The following CDC42SE1 variants were observed in gnomAD, a reference collection of about 807,000 sequenced individuals.
The protein encoded by CDC42SE1 is CDC42 small effector 1, also known as CDC42 small effector protein 1.
Under a neutral mutation model 10.9 loss-of-function variants are expected in CDC42SE1, and 10 were observed. The ratio of observed to expected loss-of-function variants is 0.92; its 90% CI spans 0.57 to 1.56. The LOEUF (loss-of-function observed/expected upper bound fraction) is 1.56, where lower values mean the gene tolerates loss of function less well. Ranked by LOEUF, CDC42SE1 falls within the 40% of genes most tolerant of loss-of-function variation. The pLI is 0.00. For missense variants in CDC42SE1, 81 were observed against 100.8 expected, an observed-to-expected ratio of 0.80 and a Z score of 0.84; for synonymous variants, 24 against 32.0, an observed-to-expected ratio of 0.75 and a Z score of 0.85.
At chr1:151,053,488 C>CT (rs958614767) in intron 4 of CDC42SE1, among the ~76,000 whole-genome samples, 161 bp from the exon 5 acceptor site, 91 of 148,074 alleles carry the variant, frequency 6.1e-4, no homozygotes, top group South Asian at 1.5e-3. Context: ...ATCCTACATT[C>CT]TTTTTTTTTT....
At chr1:151,055,189 GAA>G in intron 2 of CDC42SE1, 63 bp from the exon 3 acceptor site, 1 of 1,238,896 alleles carries the variant, frequency 8.1e-7, no homozygotes, top group Non-Finnish European at 1.2e-6. Context: ...CGGAGGAAGG[GAA>G]AAGAGTCTTC....
At chr1:151,058,484 A>G (rs1676329172) in intron 1 of CDC42SE1, 2 of 152,342 alleles carry the variant, frequency 1.3e-5, no homozygotes, top group African/African-American at 4.8e-5. Context: ...TGAGCTGGTC[A>G]GCCCAGGCGG....
At chr1:151,058,498 A>G (rs1676329885) in intron 1 of CDC42SE1, 1 of 152,334 alleles carries the variant, frequency 6.6e-6, no homozygotes, top group African/African-American at 2.4e-5. Context: ...CAGGCGGAAG[A>G]GCCACCCGAA....
chr1:151,055,776 G>A lies in CDC42SE1; in HGVS notation c.-46C>T. On this transcript the variant is annotated 5_prime_UTR_variant, in exon 2 of 5. Transcript: ENST00000357235. Reference sequence around the variant, plus strand: ...TCACTCCGCTGTCTGAGGCCCCAAAGGGCTCTTTCCCTGGTGTTTGGACAA... The same window carrying A: ...TCACTCCGCTGTCTGAGGCCCCAAAAGGCTCTTTCCCTGGTGTTTGGACAA... The A allele has an allele frequency of 6.5e-7, 1 of 1,527,464 alleles. No individual in the cohort carries two copies. The highest frequency in any genetic ancestry group is 9.0e-7 in the Non-Finnish European group (1 of 1,106,048). The allele number at this position is 1,527,464 out of a possible 1,614,324, so 94.6% of individuals were successfully genotyped here.
At chr1:151,056,694 T>C (rs1676284334) in intron 1 of CDC42SE1, 1 of 152,454 alleles carries the variant, frequency 6.6e-6, no homozygotes, top group Non-Finnish European at 1.5e-5. Context: ...ATTCTGTTTA[T>C]CTGTGTCCTG....
Position 151,055,781 on chromosome 1 carries a change from CTT to C in CDC42SE1, c.-53_-52del. ...CCGCTGTCTGAGGCCCCAAAGGGCT[CTT>C]TCCCTGGTGTTTGGACAACCCACTC... On this transcript the variant is annotated 5_prime_UTR_variant, in exon 2 of 5. Transcript: ENST00000357235. 1 of 1,499,112 alleles carries C rather than the reference CTT, an allele frequency of 6.7e-7. No homozygotes were observed. Among genetic ancestry groups the C allele is most frequent in the Non-Finnish European group, 9.2e-7 (1 of 1,081,574 alleles). The allele number at this position is 1,499,112 out of a possible 1,614,324, so 92.9% of individuals were successfully genotyped here.
chr1:151,054,041 G>C (rs1355591578), intron 4 of CDC42SE1, among the ~76,000 whole-genome samples, 190 bp downstream of exon 4: 1 of 151,764 alleles, frequency 6.6e-6, no homozygotes, highest in Non-Finnish European at 1.5e-5. Context: ...TCGTTGGCCA[G>C]GCTGGTCTTG....
At position 151,055,058 on chromosome 1, in the gene CDC42SE1, G is replaced by C; in HGVS notation, c.123C>G (p.His41Gln). ...CGGCCCCCATCTCCCCTGAGCCAAT[G>C]TGAGTCAGGTGAACAAAATTCATTG... ...GEPMNFVHLT[H>Q]IGSGEMGAGD... Residue 41 changes from histidine to glutamine, a missense_variant, in exon 3 of 5, where the codon CAC becomes CAG. By Grantham distance (24) the His-to-Gln change is conservative. Coordinates refer to ENST00000357235, the MANE Select transcript of CDC42SE1 (RefSeq NM_020239.4). The C allele has an allele frequency of 6.2e-7, 1 of 1,613,838 alleles. No individual in the cohort carries two copies. Among genetic ancestry groups the C allele is most frequent in the Non-Finnish European group, 8.5e-7 (1 of 1,179,948 alleles).
Position 151,054,339 on chromosome 1 carries a change from C to G in CDC42SE1, c.166-18G>C, listed in dbSNP as rs2902810. 1.1e-5 allele frequency: 18 copies of G among 1,604,264 alleles called. No individual in the cohort carries two copies. The highest frequency in any genetic ancestry group is 1.5e-5 in the Non-Finnish European group (18 of 1,171,682). ...GCACCTGTCTGTAAAAAAACAGATG[C>G]GAGACACCTTCGTAAGTCTTCATAT... On this transcript the variant is annotated intron_variant, in intron 3 of 4. Coordinates refer to ENST00000357235, the MANE Select transcript of CDC42SE1 (RefSeq NM_020239.4).
chr1:151,055,459 T>A (rs1192596006), intron 2 of CDC42SE1: 1 of 607,048 alleles, frequency 1.6e-6, no homozygotes, highest in African/African-American at 1.8e-5. Flanking sequence ...CAGCTCAGAA[T>A]GGACAGGAAC....
rs1315564936 is a variant in CDC42SE1 at position 151,051,787 on chromosome 1, T to C, written c.*1557A>G. 1 of 152,414 alleles carries C rather than the reference T, an allele frequency of 6.6e-6. No homozygotes were observed. Among genetic ancestry groups the C allele is most frequent in the Non-Finnish European group, 1.5e-5 (1 of 68,008 alleles). 9.4% of individuals were successfully genotyped at this position (152,414 alleles called of 1,614,324 possible). A position where few individuals can be genotyped will look rare whatever the true frequency, so the allele number is the denominator to read the frequency against. ...TGTGTCTAGGACTAGGGCACAGAAA[T>C]AGAGCTTAAAATTTGGGGAGGATAA... is the stretch of plus-strand genomic sequence containing the variant. On this transcript the variant is annotated 3_prime_UTR_variant, in exon 5 of 5. Transcript: ENST00000357235.
rs1676175643 is a variant in CDC42SE1 at position 151,051,388 on chromosome 1, A to C, written c.*1956T>G. 1.3e-5 allele frequency: 1 copy of C among 75,004 alleles called. No individual in the cohort carries two copies. Among genetic ancestry groups the C allele is most frequent in the African/African-American group, 3.9e-5 (1 of 25,810 alleles). The allele number at this position is 75,004 out of a possible 1,614,324, so 4.6% of individuals were successfully genotyped here. On this transcript the variant is annotated 3_prime_UTR_variant, in exon 5 of 5. Coordinates refer to ENST00000357235, the MANE Select transcript of CDC42SE1 (RefSeq NM_020239.4). The stretch of plus-strand genomic sequence containing the variant: ...TGAAAAATGGCAGAAAATACATGGA[A>C]ATTTGAAAAAAAAAAAAAAAAAAAA...
Position 151,055,836 on chromosome 1 carries a change from C to A in CDC42SE1, c.-106G>T. The A allele has an allele frequency of 1.1e-6, 1 of 921,310 alleles. No individual in the cohort carries two copies. Among genetic ancestry groups the A allele is most frequent in the African/African-American group, 1.6e-5 (1 of 61,338 alleles). The allele number at this position is 921,310 out of a possible 1,614,324, so 57.1% of individuals were successfully genotyped here. The stretch of plus-strand genomic sequence containing the variant: ...CACTCTCCCCAGATACACCACCACC[C>A]TGGGTTCACTCAGCTGGATGGGTCC... On this transcript the variant is annotated 5_prime_UTR_variant, in exon 2 of 5. The change creates a new upstream start codon in the 5' untranslated region. Transcript: ENST00000357235.
chr1:151,057,020 C>G lies in CDC42SE1; in HGVS notation c.-263-1027G>C, dbSNP rs764835110. ...AATAGTACTAGTGTCCAAGGAAGAA[C>G]TTCCTCCCTTCTCACTACTGCCAGC... is the stretch of plus-strand genomic sequence containing the variant. On this transcript the variant is annotated intron_variant, in intron 1 of 4. Transcript: ENST00000357235. The surrounding 1 kb of genome is among the most constrained non-coding windows in gnomAD (Gnocchi z 4.0). Among the ~76,000 whole-genome samples the G allele has an allele frequency of 1.3e-5, 2 of 152,212 alleles. No homozygotes were observed. Among genetic ancestry groups the G allele is most frequent in the Non-Finnish European group, 2.9e-5 (2 of 68,042 alleles).
In CDC42SE1 at chr1:151,052,820, G is replaced by A. The variant is rs1676206846; in HGVS notation, c.*524C>T. Reference sequence around the variant, plus strand: ...GCCTAAGGTTTGAAATCTAAAGATAGAGTGGAAAAGGGAGTAGGCACCCCC... The same window carrying A: ...GCCTAAGGTTTGAAATCTAAAGATAAAGTGGAAAAGGGAGTAGGCACCCCC... On this transcript the variant is annotated 3_prime_UTR_variant, in exon 5 of 5. Transcript: ENST00000357235. The A allele has an allele frequency of 6.6e-6, 1 of 152,242 alleles. No individual in the cohort carries two copies. Among genetic ancestry groups the A allele is most frequent in the South Asian group, 2.1e-4 (1 of 4,834 alleles). 9.4% of individuals were successfully genotyped at this position (152,242 alleles called of 1,614,324 possible).
At chr1:151,053,602 C>T (rs587716828) in intron 4 of CDC42SE1, among the ~76,000 whole-genome samples, 2 of 152,168 alleles carry the variant, frequency 1.3e-5, no homozygotes, top group East Asian at 1.9e-4. Context: ...CGGCCTCAGC[C>T]GCCTGAGTAA....
intron 1 of CDC42SE1, chr1:151,056,642 CTT>C (rs1676283454): frequency 6.6e-6 from 1 of 151,390 alleles, no homozygotes; most frequent in Non-Finnish European, 1.5e-5. Flanking sequence ...GCAGCAGTTC[CTT>C]TATTACCTGA....
chr1:151,054,839 A>T (rs1284697571), intron 3 of CDC42SE1, among the ~76,000 whole-genome samples, 177 bp downstream of exon 3: 17 of 152,186 alleles, frequency 1.1e-4, no homozygotes, highest in Admixed American at 1.1e-3. Context: ...GAGAGAACCT[A>T]GGCCCAGACA....
rs1247417393 is a variant in CDC42SE1 at position 151,055,824 on chromosome 1, T to C, written c.-94A>G. ...CAACCCACTCCTCACTCTCCCCAGA[T>C]ACACCACCACCCTGGGTTCACTCAG... On this transcript the variant is annotated 5_prime_UTR_variant, in exon 2 of 5. Coordinates refer to ENST00000357235, the MANE Select transcript of CDC42SE1 (RefSeq NM_020239.4). 8.8e-6 allele frequency: 9 copies of C among 1,026,152 alleles called. No individual in the cohort carries two copies. The highest frequency in any genetic ancestry group is 1.4e-5 in the Non-Finnish European group (9 of 663,782). 63.6% of individuals were successfully genotyped at this position (1,026,152 alleles called of 1,614,324 possible). A position where few individuals can be genotyped will look rare whatever the true frequency, so the allele number is the denominator to read the frequency against.
Sources: gnomAD v4.1 joint callset for allele counts (sites outside exome capture counted in the v4.1 genomes callset) on GRCh38, gnomAD v4.1.1 for gene constraint, Gnocchi (gnomAD v3.1) non-coding constraint, MANE v1.5 for transcripts, NCBI Gene and HGNC (gene_info 2026-07-23, HGNC 2026-07-21) for gene names.